The following OR51B5 variants were observed in gnomAD, a reference collection of about 807,000 sequenced individuals.
The protein encoded by OR51B5 is olfactory receptor 51B5.
For missense variants in OR51B5, 456 were observed against 374.6 expected (o/e 1.22, Z -1.79); for synonymous variants, 186 against 144.8 (o/e 1.28, Z -2.04).
chr11:5,422,512 C>T, intron 1 of OR51B5: 1 of 1,614,158 alleles, frequency 6.2e-7, no homozygotes, highest in Non-Finnish European at 8.5e-7. Context: ...CTCAGTTTTT[C>T]TTCCTTCATG....
At chr11:5,342,800 T>G (rs145231699) in exon 1 of OR51B5, 1 of 1,613,568 alleles carries the variant, frequency 6.2e-7, no homozygotes, top group Non-Finnish European at 8.5e-7. Context: ...ACAGCAGATA[T>G]GGGAGACACA....
chr11:5,381,135 C>A (rs898003077), intron 1 of OR51B5, among the ~76,000 whole-genome samples: 3 of 131,026 alleles, frequency 2.3e-5, no homozygotes, highest in Admixed American at 8.3e-5. Context: ...CCCCACCTCT[C>A]TCTCTCTGTC....
chr11:5,486,479 CA>C (rs1286483461), intron 1 of OR51B5, among the ~76,000 whole-genome samples: 5 of 58,836 alleles, frequency 8.5e-5, no homozygotes, highest in Non-Finnish European at 1.7e-4. Flanking sequence ...AATGTGGGGG[CA>C]TGTGACACGA....
intron 1 of OR51B5, among the ~76,000 whole-genome samples, chr11:5,394,983 T>C (rs528722565): frequency 4.6e-5 from 7 of 152,158 alleles, no homozygotes; most frequent in Admixed American, 1.3e-4. Flanking sequence ...AAAAAGAGGA[T>C]TGAGAAGCAC....
chr11:5,411,539 A>G (rs1850149493), intron 1 of OR51B5, among the ~76,000 whole-genome samples: 1 of 152,224 alleles, frequency 6.6e-6, no homozygotes, highest in African/African-American at 2.4e-5. Flanking sequence ...ATTCATGGGA[A>G]TTCAGAATGA....
In OR51B5 at chr11:5,413,688, G is replaced by T. The variant is rs202075454; in HGVS notation, n.85-66778C>A. Among the ~76,000 whole-genome samples the T allele has an allele frequency of 9.6e-4, 146 of 152,230 alleles. 2 individuals carry two copies. The East Asian group carries it at 0.026, about 27-fold the overall frequency. ...AACTGGAAGAAAGGGTATCAGTGAT[G>T]GAAGATGAAATGAATGAAATGAAGC... is the stretch of plus-strand genomic sequence containing the variant. On this transcript the variant is annotated intron_variant and non_coding_transcript_variant, in intron 1 of 4. Transcript: ENST00000415970.
chr11:5,470,381 C>T (rs1259472674), intron 1 of OR51B5, among the ~76,000 whole-genome samples: 1 of 152,140 alleles, frequency 6.6e-6, no homozygotes, highest in Non-Finnish European at 1.5e-5. Flanking sequence ...CTCTTAATTG[C>T]CCCCTCATTT....
chr11:5,356,069 C>A (rs148649085), intron 1 of OR51B5, among the ~76,000 whole-genome samples: 56,763 of 150,722 alleles, frequency 0.38, 10,937 homozygotes, highest in Non-Finnish European at 0.4. Context: ...ATCAGAGTGC[C>A]TCTCCTCCTC....
intron 1 of OR51B5, chr11:5,385,536 A>T (rs1414666958): frequency 1.3e-5 from 2 of 152,148 alleles, no homozygotes; most frequent in Non-Finnish European, 2.9e-5. Context: ...CACATCTTAG[A>T]CACTGTCAGG....
chr11:5,450,700 T>C (rs1850831934), intron 1 of OR51B5, among the ~76,000 whole-genome samples: 1 of 152,216 alleles, frequency 6.6e-6, no homozygotes, highest in Non-Finnish European at 1.5e-5. Context: ...TGTTCAGAAA[T>C]GCATTCCTCT....
chr11:5,412,673 G>A (rs1252824508), intron 1 of OR51B5, among the ~76,000 whole-genome samples: 1 of 152,136 alleles, frequency 6.6e-6, no homozygotes, highest in Non-Finnish European at 1.5e-5. Flanking sequence ...CTACGCCGAC[G>A]GAGTCTCGCT....
chr11:5,390,653 T>G (rs61892014), intron 1 of OR51B5: 4,724 of 370,374 alleles, frequency 0.013, 42 homozygotes, highest in Non-Finnish European at 0.018. Context: ...TCAATGTAAC[T>G]AAAACTAAAA....
intron 1 of OR51B5, among the ~76,000 whole-genome samples, chr11:5,458,985 C>A (rs571234917): frequency 9.2e-5 from 14 of 152,156 alleles, no homozygotes; most frequent in East Asian, 1.9e-4. Context: ...ACTTCCAATA[C>A]TATGCAGAGT....
intron 1 of OR51B5, among the ~76,000 whole-genome samples, chr11:5,439,657 C>T (rs550314703): frequency 2.0e-5 from 3 of 152,234 alleles, no homozygotes; most frequent in South Asian, 2.1e-4. Flanking sequence ...TAACAAGTTT[C>T]GATGCAAAGC....
Position 5,389,559 on chromosome 11 carries a change from A to T in OR51B5, n.85-42649T>A, listed in dbSNP as rs774078429. 5 of 1,613,918 alleles carry T rather than the reference A, an allele frequency of 3.1e-6. No individual in the cohort carries two copies. In the East Asian group the frequency reaches 8.9e-5, roughly 29 times the overall value. ...ATGTACATGGTTGCCATCTCAGGCA[A>T]TTGTTTCATTCTGATCATTATTAAG... On this transcript the variant is annotated intron_variant and non_coding_transcript_variant, in intron 1 of 4. Transcript: ENST00000415970.
At chr11:5,455,462 T>C (rs979627158) in intron 1 of OR51B5, 5 of 150,596 alleles carry the variant, frequency 3.3e-5, no homozygotes, top group African/African-American at 1.2e-4. Flanking sequence ...AGAGGTAGGA[T>C]ATAGTAAGAA....
intron 1 of OR51B5, among the ~76,000 whole-genome samples, chr11:5,464,040 G>C (rs1851096220): frequency 6.6e-6 from 1 of 152,108 alleles, no homozygotes; most frequent in South Asian, 2.1e-4. Flanking sequence ...CTACAAGCTG[G>C]GGAAATTGCT....
intron 1 of OR51B5, among the ~76,000 whole-genome samples, chr11:5,369,929 ATT>A (rs1477336203): frequency 2.0e-5 from 3 of 152,136 alleles, no homozygotes; most frequent in Admixed American, 6.6e-5. Context: ...AAGGGAAGAC[ATT>A]TTCTCAGGAT....
At chr11:5,427,188 CTTTT>C (rs35270678) in intron 1 of OR51B5, among the ~76,000 whole-genome samples, 83,094 of 149,946 alleles carry the variant, frequency 0.55, 24,809 homozygotes, top group Non-Finnish European at 0.67. Flanking sequence ...TCCAACCTTT[CTTTT>C]GAGTTTCATA....
Sources: gnomAD v4.1 joint callset for allele counts (sites outside exome capture counted in the v4.1 genomes callset) on GRCh38, gnomAD v4.1.1 for gene constraint, MANE v1.5 for transcripts, NCBI Gene and HGNC (gene_info 2026-07-23, HGNC 2026-07-21) for gene names.